Variants in CNOT1 observed in about 807,000 individuals in gnomAD.
CNOT1 encodes CCR4-NOT transcription complex subunit 1.
CNOT1 carries 15 observed loss-of-function variants against 273.8 expected under a neutral mutation model. The observed-to-expected ratio is 0.05, with a 90% CI of 0.04 to 0.08. CNOT1 has a LOEUF of 0.08. CNOT1 is among the 10% of genes least tolerant of loss of function. The pLI is 1.00. For missense variants in CNOT1, 1,644 were observed against 2,912.2 expected (o/e 0.56, Z 10.02); for synonymous variants, 1,022 against 1,005.5 (o/e 1.02, Z -0.31).
intron 4 of CNOT1, 52 bp downstream of exon 4, chr16:58,587,728 T>G (rs1461074444): frequency 6.4e-7 from 1 of 1,569,438 alleles, no homozygotes; most frequent in Non-Finnish European, 8.6e-7. Flanking sequence ...TTAGGGACTT[T>G]TTAGAAAGCC....
intron 1 of CNOT1, among the ~76,000 whole-genome samples, chr16:58,605,814 A>C (rs1005690533): frequency 1.3e-5 from 2 of 152,062 alleles, no homozygotes; most frequent in Admixed American, 6.6e-5. Flanking sequence ...GCCCGCTGCC[A>C]CACGGCTAAT....
At chr16:58,573,876 C>A (rs2041372613) in intron 16 of CNOT1, among the ~76,000 whole-genome samples, 1 of 151,778 alleles carries the variant, frequency 6.6e-6, no homozygotes, top group Admixed American at 6.6e-5. Context: ...ATTCATAATC[C>A]CCAATTTCAA....
rs529535935 is a variant in CNOT1, at chr16:58,533,505, G to A, written c.5895+642C>T. Among the ~76,000 whole-genome samples the A allele has an allele frequency of 9.9e-5, 15 of 152,134 alleles. No homozygotes were observed. In the East Asian group the frequency reaches 2.3e-3, roughly 24 times the overall value. ...TAAAAAATTAGCCGGGCGCGGTGGC[G>A]GGTGCCTGTAGTCCCAGCTACTCGG... On this transcript the variant is annotated intron_variant, in intron 40 of 48. Coordinates refer to ENST00000317147, the MANE Select transcript of CNOT1 (RefSeq NM_016284.5).
chr16:58,578,684 A>G lies in CNOT1; in HGVS notation c.1584+15T>C, dbSNP rs745416102. 7.4e-6 allele frequency: 12 copies of G among 1,610,902 alleles called. No homozygotes were observed. The highest frequency in any genetic ancestry group is 1.7e-5 in the Admixed American group (1 of 59,946). ...ATTCAGATGAAAAAATGGTAAGCAC[A>G]CGGTCACATCTTACCTGCCCATGCC... is the stretch of plus-strand genomic sequence containing the variant. On this transcript the variant is annotated intron_variant, in intron 13 of 48. Transcript: ENST00000317147.
intron 38 of CNOT1, 129 bp from the exon 39 acceptor site, chr16:58,537,349 C>A: frequency 7.5e-7 from 1 of 1,335,704 alleles, no homozygotes; most frequent in Non-Finnish European, 9.9e-7. Flanking sequence ...ACCACTTCCA[C>A]ACTGAAACAA....
At chr16:58,558,085 C>G (rs1331179571) in intron 18 of CNOT1, among the ~76,000 whole-genome samples, 2 of 152,168 alleles carry the variant, frequency 1.3e-5, no homozygotes, top group Non-Finnish European at 2.9e-5. Flanking sequence ...ATAAGGCAGG[C>G]AGAACATATG....
chr16:58,551,729 G>T lies in CNOT1; in HGVS notation c.3061C>A (p.Gln1021Lys), dbSNP rs201765340. 1 of 1,614,210 alleles carries T rather than the reference G, an allele frequency of 6.2e-7. No homozygotes were observed. The highest frequency in any genetic ancestry group is 8.5e-7 in the Non-Finnish European group (1 of 1,180,036). ...TTTGCTGGAACCTGGGCCTGAGCCT[G>T]GGCCTGAGCCAGTGCAATACTTCCA... ...TPGSIALAQA[Q>K]AQAQVPAKAP... Residue 1021 changes from glutamine to lysine, a missense_variant, in exon 23 of 49, where the codon CAG becomes AAG. Around this residue, in one of 13 missense-constraint regions of CNOT1, gnomAD observed 77 missense variants for 90.5 expected, o/e 0.85. Transcript: ENST00000317147.
At chr16:58,563,709 T>C (rs566662543) in intron 16 of CNOT1, among the ~76,000 whole-genome samples, 5 of 152,312 alleles carry the variant, frequency 3.3e-5, no homozygotes, top group African/African-American at 1.2e-4. Flanking sequence ...GTCCCATATC[T>C]CACCATAATA....
intron 16 of CNOT1, among the ~76,000 whole-genome samples, chr16:58,570,015 C>G (rs1414367753): frequency 6.6e-6 from 1 of 152,066 alleles, no homozygotes; most frequent in Non-Finnish European, 1.5e-5. Flanking sequence ...TCATCACATA[C>G]AATACTCAAT....
rs1395194534 is a variant in CNOT1, at chr16:58,578,928, T to C, written c.1355A>G (p.Asp452Gly). The C allele has an allele frequency of 1.2e-6, 2 of 1,613,314 alleles. No homozygotes were observed. Among genetic ancestry groups the C allele is most frequent in the African/African-American group, 1.3e-5 (1 of 74,882 alleles). Residue 452 changes from aspartate to glycine, a missense_variant, in exon 13 of 49, where the codon GAT becomes GGT. By Grantham distance (94) the Asp-to-Gly change is moderately conservative. Coordinates refer to ENST00000317147, the MANE Select transcript of CNOT1 (RefSeq NM_016284.5). ...NREIATWKSL[D>G]LIESLLRLAE... is the part of the protein sequence containing the mutation. ...AAGCCTCAGCAGAGATTCAATCAAA[T>C]CCAAGCTCTTCCTAACGAGAAAGGA...
chr16:58,533,726 G>A (rs1050049380), intron 40 of CNOT1, among the ~76,000 whole-genome samples: 1 of 152,222 alleles, frequency 6.6e-6, no homozygotes, highest in African/African-American at 2.4e-5. Context: ...TCACGAGGCT[G>A]AGGTAGGAGA....
chr16:58,532,663 C>G (rs2039807354), intron 40 of CNOT1: 1 of 429,630 alleles, frequency 2.3e-6, no homozygotes, highest in Non-Finnish European at 4.0e-6. Flanking sequence ...TTCTTCAGCT[C>G]TAGAAATCAG....
Position 58,530,297 on chromosome 16 carries a change from C to A in CNOT1, c.6228G>T (p.Ala2076=). The change falls in exon 43 of 49, where the codon GCG becomes GCT. Residue 2076 remains alanine (A), a synonymous_variant. Transcript: ENST00000317147. ...TGAGTTCCACATTTCTAAGGAAAGGCGCTAAATATTTGAATAAATCAATCA... is the reference window on the plus strand; with the variant it reads ...TGAGTTCCACATTTCTAAGGAAAGGAGCTAAATATTTGAATAAATCAATCA... ...QLLIDLFKYL[A]PFLRNVELTK... is the part of the protein sequence containing the mutation. 5.0e-6 allele frequency: 8 copies of A among 1,611,758 alleles called. No homozygotes were observed. The highest frequency in any genetic ancestry group is 6.8e-6 in the Non-Finnish European group (8 of 1,178,450).
intron 1 of CNOT1, among the ~76,000 whole-genome samples, chr16:58,625,870 A>C (rs2152058724): frequency 6.6e-6 from 1 of 151,628 alleles, no homozygotes; most frequent in South Asian, 2.1e-4. Flanking sequence ...AAAAAAAAAA[A>C]AAAAAAACTA....
Position 58,615,140 on chromosome 16 carries a change from G to A in CNOT1, c.-175+14588C>T, listed in dbSNP as rs897608540. 4.8e-5 allele frequency among the ~76,000 whole-genome samples: 6 copies of A among 125,284 alleles called. 2 individuals are homozygous for A. The highest frequency in any genetic ancestry group is 1.1e-4 in the Non-Finnish European group (6 of 52,682). The allele number at this position is 125,284 out of a possible 152,430, so 82.2% of individuals were successfully genotyped here. On this transcript the variant is annotated intron_variant, in intron 1 of 48. Transcript: ENST00000317147. ...CAGCAGAGATGAAATATCTTCTAGA[G>A]GTAAGTGGGACCCAAATTGTGGATT...
intron 35 of CNOT1, 144 bp downstream of exon 35, chr16:58,539,624 G>GAA (rs35234309): frequency 0.063 from 42,506 of 672,402 alleles, 721 homozygotes; most frequent in East Asian, 0.29. Flanking sequence ...TTCTACGTTG[G>GAA]AAAAAAAAAA....
intron 1 of CNOT1, among the ~76,000 whole-genome samples, chr16:58,600,832 C>A (rs965636488): frequency 1.8e-4 from 27 of 152,134 alleles, no homozygotes; most frequent in Non-Finnish European, 1.0e-4. Context: ...GTGGCTCATG[C>A]CAAAGTGTTG....
intron 14 of CNOT1, 42 bp from the exon 15 acceptor site, chr16:58,575,171 A>G (rs765559113): frequency 6.3e-7 from 1 of 1,598,484 alleles, no homozygotes; most frequent in Admixed American, 1.8e-5. Flanking sequence ...TGGAGCAATT[A>G]AGTAACTATC....
At chr16:58,566,540 G>T (rs1440890987) in intron 16 of CNOT1, among the ~76,000 whole-genome samples, 1 of 152,190 alleles carries the variant, frequency 6.6e-6, no homozygotes, top group Non-Finnish European at 1.5e-5. Flanking sequence ...AATGTAAAAG[G>T]TTACACTTTA....
Sources: gnomAD v4.1 joint callset for allele counts (sites outside exome capture counted in the v4.1 genomes callset) on GRCh38, gnomAD v4.1.1 for gene constraint, gnomAD v4.1.1 regional missense constraint, MANE v1.5 for transcripts, NCBI Gene and HGNC (gene_info 2026-07-23, HGNC 2026-07-21) for gene names.